The following SLC24A4 variants were observed in gnomAD, a reference collection of about 807,000 sequenced individuals.
The protein encoded by SLC24A4 is sodium/potassium/calcium exchanger 4.
SLC24A4 carries 53 observed loss-of-function variants against 79.0 expected under a neutral mutation model. The observed-to-expected ratio is 0.67, with a 90% CI of 0.54 to 0.84. The LOEUF is 0.84. Ranked by LOEUF, SLC24A4 falls within the 40% of genes least tolerant of loss-of-function variation. The pLI is 0.00. For synonymous variants in SLC24A4, 323 were observed against 323.8 expected, an observed-to-expected ratio of 1.00 and a Z score of 0.03; for missense variants, 731 against 822.0, an observed-to-expected ratio of 0.89 and a Z score of 1.35.
In SLC24A4 at chr14:92,493,613, C is replaced by A; in HGVS notation, c.1854C>A (p.Cys618Ter). The A allele has an allele frequency of 6.2e-7, 1 of 1,614,122 alleles. No homozygotes were observed. Among genetic ancestry groups the A allele is most frequent in the Non-Finnish European group, 8.5e-7 (1 of 1,179,982 alleles). The part of the protein sequence containing the change: ...NVFTFVNLPM[C>*]REDD ...TTACCTTCGTCAACTTGCCGATGTG[C>A]CGGGAAGACGATTAGCGCTGAGTCG... The change falls in exon 17 of 17, where the codon TGC (cysteine) becomes TGA (stop). Residue 618 changes from cysteine (C) to a stop codon, truncating the protein, a stop_gained. Coordinates refer to ENST00000532405, the MANE Select transcript of SLC24A4 (RefSeq NM_153646.4). LOFTEE classifies it high-confidence loss of function.
At chr14:92,363,851 AAAAG>A (rs1240759279) in intron 2 of SLC24A4, among the ~76,000 whole-genome samples, 1 of 151,992 alleles carries the variant, frequency 6.6e-6, no homozygotes, top group Non-Finnish European at 1.5e-5. Context: ...AAAGAAAAGA[AAAAG>A]AAAACAATCT....
At chr14:92,377,009 G>A (rs915080970) in intron 2 of SLC24A4, among the ~76,000 whole-genome samples, 3 of 152,176 alleles carry the variant, frequency 2.0e-5, no homozygotes, top group Non-Finnish European at 4.4e-5. Flanking sequence ...GAAGCTCCTC[G>A]TGAGGGGCTC....
At position 92,419,632 on chromosome 14, in the gene SLC24A4, T is replaced by C. The variant is rs138543269; in HGVS notation, c.242-14280T>C. Among the ~76,000 whole-genome samples the C allele has an allele frequency of 1.4e-3, 217 of 152,342 alleles. 1 individual carries two copies. The highest frequency in any genetic ancestry group is 0.01 in the Middle Eastern group (3 of 294). ...CTGTGACACTTTTGATAGAAGGGGT[T>C]ACTATTCATTAGACTGGACAGCAGA... On this transcript the variant is annotated intron_variant, in intron 2 of 16. Coordinates refer to ENST00000532405, the MANE Select transcript of SLC24A4 (RefSeq NM_153646.4).
At chr14:92,332,318 C>T (rs747640262) in intron 2 of SLC24A4, among the ~76,000 whole-genome samples, 2 of 152,008 alleles carry the variant, frequency 1.3e-5, no homozygotes, top group African/African-American at 2.4e-5. Flanking sequence ...ATGTGTTAAT[C>T]GACAGTTTAT....
At chr14:92,388,451 G>C (rs1166857300) in intron 2 of SLC24A4, among the ~76,000 whole-genome samples, 2 of 148,502 alleles carry the variant, frequency 1.3e-5, no homozygotes, top group African/African-American at 2.5e-5. Flanking sequence ...GTTCTCCAAA[G>C]CTCCCAGTGG....
chr14:92,386,887 A>G (rs1205640994), intron 2 of SLC24A4, among the ~76,000 whole-genome samples: 1 of 152,140 alleles, frequency 6.6e-6, no homozygotes, highest in African/African-American at 2.4e-5. Context: ...ATTTCCGGTC[A>G]AGGGAGGAGG....
chr14:92,466,907 C>T (rs34403534), intron 12 of SLC24A4, among the ~76,000 whole-genome samples: 2,364 of 152,304 alleles, frequency 0.016, 27 homozygotes, highest in Non-Finnish European at 0.027. Context: ...ACCTGTGAAA[C>T]AGGAAAAATA....
intron 9 of SLC24A4, 62 bp downstream of exon 9, chr14:92,447,486 T>C (rs1308446466): frequency 4.4e-5 from 65 of 1,473,568 alleles, no homozygotes; most frequent in Non-Finnish European, 5.9e-5. Flanking sequence ...GCTACAGCCT[T>C]TTGTGACAGC....
rs1566795025 is a variant in SLC24A4, at chr14:92,474,691, AT to A, written c.1256-7988del. ...TGTATATATATATATACACATATAT[AT>A]GTATATATACGTGTGTGTATATATA... On this transcript the variant is annotated intron_variant, in intron 12 of 16. Transcript: ENST00000532405. Among the ~76,000 whole-genome samples, 5 of 27,440 alleles carry A rather than the reference AT, an allele frequency of 1.8e-4. No individual in the cohort carries two copies. The Admixed American group carries it at 3.0e-3, about 16-fold the overall frequency. 18.0% of individuals were successfully genotyped at this position (27,440 alleles called of 152,430 possible). A position where few individuals can be genotyped will look rare whatever the true frequency, so the allele number is the denominator to read the frequency against.
intron 2 of SLC24A4, among the ~76,000 whole-genome samples, chr14:92,386,536 A>G (rs10139242): frequency 0.44 from 67,342 of 152,000 alleles, 16,940 homozygotes; most frequent in African/African-American, 0.7. Flanking sequence ...GTGATGGGGC[A>G]TTATCACAGT....
rs190801086 is a variant in SLC24A4, at chr14:92,369,633, G to A, written c.241+43655G>A. 6.5e-3 allele frequency among the ~76,000 whole-genome samples: 995 copies of A among 152,278 alleles called. 4 individuals carry two copies. The highest frequency in any genetic ancestry group is 0.011 in the Non-Finnish European group (749 of 68,018). Reference sequence around the variant, plus strand: ...ATGTTGAATCAAGAATAAATTCGTCGACAGTCATAATAGTGTGACTATAAG... The same window carrying A: ...ATGTTGAATCAAGAATAAATTCGTCAACAGTCATAATAGTGTGACTATAAG... On this transcript the variant is annotated intron_variant, in intron 2 of 16. Coordinates refer to ENST00000532405, the MANE Select transcript of SLC24A4 (RefSeq NM_153646.4).
intron 2 of SLC24A4, among the ~76,000 whole-genome samples, chr14:92,383,875 C>T (rs538285576): frequency 5.4e-4 from 82 of 152,320 alleles, no homozygotes; most frequent in Admixed American, 2.5e-3. Flanking sequence ...AGCATTTCCG[C>T]GGGAAGATCT....
At chr14:92,447,455 C>CG in intron 9 of SLC24A4, 31 bp downstream of exon 9, 1 of 1,601,754 alleles carries the variant, frequency 6.2e-7, no homozygotes, top group Non-Finnish European at 8.6e-7. Context: ...CCGGGGCTGC[C>CG]GACGCCTTGC....
chr14:92,379,074 ATAGC>A (rs1296080767), intron 2 of SLC24A4, among the ~76,000 whole-genome samples: 6 of 152,142 alleles, frequency 3.9e-5, no homozygotes, highest in African/African-American at 9.7e-5. Context: ...AAATCAATAA[ATAGC>A]TAGCTAGCTA....
At chr14:92,439,133 T>C (rs1251854806) in intron 3 of SLC24A4, among the ~76,000 whole-genome samples, 1 of 152,218 alleles carries the variant, frequency 6.6e-6, no homozygotes, top group Non-Finnish European at 1.5e-5. Context: ...GCTCAGCATG[T>C]TATCTCCTCT....
chr14:92,330,903 T>C (rs897202810), intron 2 of SLC24A4, among the ~76,000 whole-genome samples: 1 of 152,226 alleles, frequency 6.6e-6, no homozygotes, highest in African/African-American at 2.4e-5. Flanking sequence ...TGCAGGGGAC[T>C]CAAACATTCA....
At chr14:92,451,826 C>T (rs7142428) in intron 10 of SLC24A4, 59,023 of 152,272 alleles carry the variant, frequency 0.39, 11,769 homozygotes, top group South Asian at 0.45. Context: ...AGGAGGCACA[C>T]TGTGGACCCT....
intron 2 of SLC24A4, among the ~76,000 whole-genome samples, chr14:92,421,132 G>C (rs941448218): frequency 1.3e-5 from 2 of 152,160 alleles, no homozygotes; most frequent in African/African-American, 4.8e-5. Context: ...CAAGGGGCTT[G>C]TTACTTGTTC....
At chr14:92,453,851 G>T in intron 10 of SLC24A4, 49 bp from the exon 11 acceptor site, 1 of 1,528,628 alleles carries the variant, frequency 6.5e-7, no homozygotes, top group East Asian at 2.5e-5. Flanking sequence ...CAGCACTTGG[G>T]TGTTGTCCTC....
Sources: gnomAD v4.1 joint callset for allele counts (sites outside exome capture counted in the v4.1 genomes callset) on GRCh38, gnomAD v4.1.1 for gene constraint, MANE v1.5 for transcripts, NCBI Gene and HGNC (gene_info 2026-07-23, HGNC 2026-07-21) for gene names.